The following PPA2 variants were observed in gnomAD, a reference collection of about 807,000 sequenced individuals.
PPA2 encodes inorganic pyrophosphatase 2.
Under a neutral mutation model 49.5 loss-of-function variants are expected in PPA2, and 48 were observed. The ratio of observed to expected loss-of-function variants is 0.97; its 90% CI spans 0.77 to 1.23. The LOEUF is 1.23. PPA2 is among the 50% of genes most tolerant of loss of function. The pLI, the probability that PPA2 is intolerant of heterozygous loss-of-function variation, is 0.00. For missense variants in PPA2, 429 were observed against 410.1 expected (o/e 1.05, Z -0.40); for synonymous variants, 131 against 139.9 (o/e 0.94, Z 0.45).
chr4:105,449,963 A>G (rs534290385), intron 3 of PPA2, among the ~76,000 whole-genome samples: 5 of 152,366 alleles, frequency 3.3e-5, no homozygotes, highest in Admixed American at 2.6e-4. Flanking sequence ...ACAAAGAGCT[A>G]CACTAAATAT....
intron 5 of PPA2, among the ~76,000 whole-genome samples, chr4:105,438,634 C>T (rs992521187): frequency 1.3e-5 from 2 of 152,116 alleles, no homozygotes; most frequent in Non-Finnish European, 2.9e-5. Flanking sequence ...CAAGATTATA[C>T]CCTGTTGGTT....
intron 5 of PPA2, among the ~76,000 whole-genome samples, chr4:105,444,853 C>T (rs898248780): frequency 6.6e-6 from 1 of 152,132 alleles, no homozygotes; most frequent in African/African-American, 2.4e-5. Flanking sequence ...TTAATTATAA[C>T]AATAATTGAT....
At chr4:105,407,043 A>G (rs1565485) in intron 7 of PPA2, 98,764 of 150,594 alleles carry the variant, frequency 0.66, 32,523 homozygotes, top group East Asian at 0.71. Context: ...AGATTAGCAT[A>G]GCCCCTGCGC....
intron 7 of PPA2, among the ~76,000 whole-genome samples, chr4:105,409,285 C>G (rs1390536320): frequency 6.6e-6 from 1 of 152,194 alleles, no homozygotes; most frequent in Non-Finnish European, 1.5e-5. Flanking sequence ...ACCCACGGAG[C>G]CTTGTTCACT....
chr4:105,399,748 G>A (rs1446992029), intron 7 of PPA2: 1 of 152,334 alleles, frequency 6.6e-6, no homozygotes, highest in Non-Finnish European at 1.5e-5. Context: ...CCTAGGAAAA[G>A]CCAGTCACTG....
chr4:105,407,548 A>T (rs1722540294), intron 7 of PPA2, among the ~76,000 whole-genome samples: 1 of 152,176 alleles, frequency 6.6e-6, no homozygotes, highest in African/African-American at 2.4e-5. Context: ...CACTGTTCAG[A>T]GCAACTTTAT....
chr4:105,399,115 A>G lies in PPA2; in HGVS notation c.705T>C (p.Leu235=), dbSNP rs1308117851. 2 of 1,610,452 alleles carry G rather than the reference A, an allele frequency of 1.2e-6. No homozygotes were observed. ...GTACCTTATATAATCTAAACCAATT[A>G]AGAGTAGCTTCCAGGTAACCCGGTT... is the stretch of plus-strand genomic sequence containing the variant. ...KFKPGYLEAT[L]NWFRLYKVPD... Residue 235 remains leucine, a synonymous_variant, in exon 8 of 12, where the codon CTT becomes CTC. Transcript: ENST00000341695.
chr4:105,402,664 A>C (rs1722264711), intron 7 of PPA2, among the ~76,000 whole-genome samples: 1 of 152,200 alleles, frequency 6.6e-6, no homozygotes. Context: ...TATAGCTTTA[A>C]CTTTGGGATG....
chr4:105,449,993 T>A (rs193172054), intron 3 of PPA2, among the ~76,000 whole-genome samples: 1 of 152,354 alleles, frequency 6.6e-6, no homozygotes, highest in African/African-American at 2.4e-5. Flanking sequence ...AGCTTGCATA[T>A]CTGGTGAGTT....
intron 2 of PPA2, among the ~76,000 whole-genome samples, chr4:105,454,266 A>T (rs1325624498): frequency 2.6e-5 from 4 of 151,902 alleles, no homozygotes; most frequent in Non-Finnish European, 4.4e-5. Context: ...ATTTTTCCAA[A>T]TCAGCTCTGA....
intron 5 of PPA2, among the ~76,000 whole-genome samples, chr4:105,438,593 A>G (rs956830232): frequency 6.6e-6 from 1 of 152,246 alleles, no homozygotes; most frequent in Non-Finnish European, 1.5e-5. Context: ...TGATAAAAAC[A>G]TGAAAAGACA....
rs749389599 is a variant in PPA2 at position 105,386,590 on chromosome 4, C to G, written c.916G>C (p.Glu306Gln). The G allele has an allele frequency of 6.2e-7, 1 of 1,612,424 alleles. No homozygotes were observed. The change falls in exon 10 of 12, where the codon GAA (glutamate) becomes CAA (glutamine). Residue 306 changes from glutamate (E) to glutamine (Q), a missense_variant. Transcript: ENST00000341695. ...SDSPFRCTQE[E>Q]ARSLVESVSS... ...ACCGATTCAACTAATGATCTTGCTT[C>G]CTCTTGAGTGCAACGGAAAGGGCTA... is the stretch of plus-strand genomic sequence containing the variant.
chr4:105,377,827 A>AT (rs907860407), intron 10 of PPA2, among the ~76,000 whole-genome samples: 47 of 151,476 alleles, frequency 3.1e-4, no homozygotes, highest in African/African-American at 9.9e-4. Flanking sequence ...TTCACTCAAT[A>AT]TTTTTTTTTA....
At chr4:105,442,325 T>C (rs1724408958) in intron 5 of PPA2, among the ~76,000 whole-genome samples, 1 of 152,150 alleles carries the variant, frequency 6.6e-6, no homozygotes, top group African/African-American at 2.4e-5. Context: ...AATAACCTTG[T>C]AGGGTAGGTA....
intron 6 of PPA2, among the ~76,000 whole-genome samples, chr4:105,435,424 T>C (rs2636743): frequency 0.57 from 86,878 of 151,846 alleles, 25,220 homozygotes; most frequent in East Asian, 0.68. Context: ...GCAAGATGAA[T>C]ATCACCAAGG....
rs1733626338 is a variant in PPA2 at position 105,385,056 on chromosome 4, T to C, written c.939+1511A>G. ...CCTCTTGCCTCAGGACCTTTGGGAG[T>C]GTGGCCTTGAATGCTCTTCCTTCGC... On this transcript the variant is annotated intron_variant, in intron 10 of 11. Transcript: ENST00000341695. Among the ~76,000 whole-genome samples the C allele has an allele frequency of 1.3e-5, 2 of 152,108 alleles. 1 individual carries two copies. Among genetic ancestry groups the C allele is most frequent in the South Asian group, 4.1e-4 (2 of 4,832 alleles).
At chr4:105,457,133 A>C (rs1255676932) in intron 1 of PPA2, among the ~76,000 whole-genome samples, 1 of 152,180 alleles carries the variant, frequency 6.6e-6, no homozygotes, top group East Asian at 1.9e-4. Flanking sequence ...AAACTTAACA[A>C]TAGTATTCCC....
chr4:105,471,557 AC>A (rs1371570386), intron 1 of PPA2, among the ~76,000 whole-genome samples: 1 of 152,212 alleles, frequency 6.6e-6, no homozygotes, highest in Non-Finnish European at 1.5e-5. Context: ...GGCCAAGTAT[AC>A]TACACTCATA....
chr4:105,434,297 A>G (rs1277505083), intron 6 of PPA2, among the ~76,000 whole-genome samples: 1 of 152,250 alleles, frequency 6.6e-6, no homozygotes, highest in Admixed American at 6.5e-5. Flanking sequence ...GATCCTTTAT[A>G]AAACAAAAAT....
Sources: gnomAD v4.1 joint callset for allele counts (sites outside exome capture counted in the v4.1 genomes callset) on GRCh38, gnomAD v4.1.1 for gene constraint, MANE v1.5 for transcripts, NCBI Gene and HGNC (gene_info 2026-07-23, HGNC 2026-07-21) for gene names.